PRKAG2: variants seen among roughly 807,000 people sequenced by gnomAD.
PRKAG2 encodes 5'-AMP-activated protein kinase subunit gamma-2.
In PRKAG2, 26 loss-of-function variants were observed where a neutral mutation model predicts 69.6. The observed-to-expected ratio is 0.37, with a 90% CI of 0.27 to 0.52. The LOEUF (loss-of-function observed/expected upper bound fraction) is 0.52. PRKAG2 is among the 20% of genes least tolerant of loss of function. The pLI is 0.90. For synonymous variants in PRKAG2, 293 were observed against 285.0 expected, an observed-to-expected ratio of 1.03 and a Z score of -0.28; for missense variants, 557 against 740.0, an observed-to-expected ratio of 0.75 and a Z score of 2.87.
At chr7:151,666,351 AG>A (rs1318582410) in intron 4 of PRKAG2, among the ~76,000 whole-genome samples, 1 of 152,204 alleles carries the variant, frequency 6.6e-6, no homozygotes, top group Non-Finnish European at 1.5e-5. Flanking sequence ...CAAGGATGAA[AG>A]CACAGTGATG....
chr7:151,641,587 C>T (rs1386378730), intron 4 of PRKAG2, among the ~76,000 whole-genome samples: 2 of 151,586 alleles, frequency 1.3e-5, no homozygotes, highest in African/African-American at 4.9e-5. Flanking sequence ...TGCTCTGTCA[C>T]CTAGGCTGGT....
chr7:151,728,505 C>A (rs1323198489), intron 3 of PRKAG2, among the ~76,000 whole-genome samples: 1 of 152,162 alleles, frequency 6.6e-6, no homozygotes, highest in Non-Finnish European at 1.5e-5. Flanking sequence ...GCCCCAACCC[C>A]AGGTCACCAA....
rs912602124 is a variant in PRKAG2, at chr7:151,685,784, AT to A, written c.467-10148del. Among the ~76,000 whole-genome samples the A allele has an allele frequency of 3.5e-5, 5 of 141,696 alleles. No individual in the cohort carries two copies. The Admixed American group carries it at 3.6e-4, about 10-fold the overall frequency. 93.0% of individuals were successfully genotyped at this position (141,696 alleles called of 152,430 possible). ...CCTGTCTCTAAAAAAAAAAAAAAAA[AT>A]TCTAATATGGTGAATATTGATTCAT... On this transcript the variant is annotated intron_variant, in intron 3 of 15. Transcript: ENST00000287878.
chr7:151,691,819 T>G (rs539567552), intron 3 of PRKAG2, among the ~76,000 whole-genome samples: 2 of 152,238 alleles, frequency 1.3e-5, no homozygotes, highest in Non-Finnish European at 2.9e-5. Flanking sequence ...TCTTAGAAGA[T>G]ATGAAACCTT....
rs1807410261 is a variant in PRKAG2, at chr7:151,570,975, TG to T, written c.1052-751del. Among the ~76,000 whole-genome samples the T allele has an allele frequency of 4.6e-5, 7 of 152,190 alleles. No homozygotes were observed. The South Asian group carries it at 1.5e-3, about 32-fold the overall frequency. On this transcript the variant is annotated intron_variant, in intron 9 of 15. Coordinates refer to ENST00000287878, the MANE Select transcript of PRKAG2 (RefSeq NM_016203.4). ...TAGTAGAGATGGGGTTTCATGATGT[TG>T]GCCAGGCTGGTCTCGCACTCCTGAC...
At chr7:151,851,627 T>C (rs1223523731) in intron 1 of PRKAG2, among the ~76,000 whole-genome samples, 3 of 152,170 alleles carry the variant, frequency 2.0e-5, no homozygotes, top group Non-Finnish European at 4.4e-5. Context: ...TTCATTATCA[T>C]TGTCAAACCA....
Position 151,794,231 on chromosome 7 carries a change from C to T in PRKAG2, c.115-7690G>A, listed in dbSNP as rs1222144885. On this transcript the variant is annotated intron_variant, in intron 1 of 15. Transcript: ENST00000287878. Reference sequence around the variant, plus strand: ...GTTCCTCGTCTGGCCCGAGGCCACCCGGGGCTTCCCTAGCTCCATATCAGC... The same window carrying T: ...GTTCCTCGTCTGGCCCGAGGCCACCTGGGGCTTCCCTAGCTCCATATCAGC... Among the ~76,000 whole-genome samples the T allele has an allele frequency of 4.6e-5, 7 of 152,334 alleles. No homozygotes were observed. The South Asian group carries it at 6.2e-4, about 14-fold the overall frequency.
At chr7:151,802,856 C>T (rs969540403) in intron 1 of PRKAG2, among the ~76,000 whole-genome samples, 2 of 152,192 alleles carry the variant, frequency 1.3e-5, no homozygotes, top group Non-Finnish European at 2.9e-5. Flanking sequence ...TCTTTAATCC[C>T]CCCGTGCCAG....
chr7:151,856,324 A>G (rs1373939786), intron 1 of PRKAG2, among the ~76,000 whole-genome samples: 1 of 152,224 alleles, frequency 6.6e-6, no homozygotes, highest in Non-Finnish European at 1.5e-5. Flanking sequence ...CGATCTTTCC[A>G]AGGCCCGCGC....
chr7:151,632,085 C>T lies in PRKAG2; in HGVS notation c.738G>A (p.Leu246=). 1 of 1,414,848 alleles carries T rather than the reference C, an allele frequency of 7.1e-7. No homozygotes were observed. Among genetic ancestry groups the T allele is most frequent in the Non-Finnish European group, 9.3e-7 (1 of 1,070,310 alleles). 87.6% of individuals were successfully genotyped at this position (1,414,848 alleles called of 1,614,324 possible). The change falls in exon 5 of 16, where the codon CTG becomes CTA. Residue 246 remains leucine (L), a synonymous_variant. Coordinates refer to ENST00000287878, the MANE Select transcript of PRKAG2 (RefSeq NM_016203.4). The surrounding 1 kb of genome is among the most constrained non-coding windows in gnomAD (Gnocchi z 4.2). ...CGCACTCACCTTCGTCCTCGAACTCCAGCTTCTCCAGCATGCCGGCTTCCG... is the reference window on the plus strand; with the variant it reads ...CGCACTCACCTTCGTCCTCGAACTCTAGCTTCTCCAGCATGCCGGCTTCCG... ...GPAEAGMLEK[L]EFEDEAVEDS... is the part of the protein sequence containing the mutation.
intron 3 of PRKAG2, among the ~76,000 whole-genome samples, chr7:151,762,659 T>C (rs1287725575): frequency 6.6e-6 from 1 of 152,162 alleles, no homozygotes; most frequent in Non-Finnish European, 1.5e-5. Flanking sequence ...CTGTGTGCCG[T>C]AGAACAAGCC....
chr7:151,597,065 C>T (rs1814725818), intron 5 of PRKAG2, among the ~76,000 whole-genome samples: 1 of 152,204 alleles, frequency 6.6e-6, no homozygotes, highest in Non-Finnish European at 1.5e-5. Context: ...CAGCATGAAG[C>T]TGGCATAAAA....
chr7:151,830,007 A>T (rs2078988069), intron 1 of PRKAG2, among the ~76,000 whole-genome samples: 1 of 151,828 alleles, frequency 6.6e-6, no homozygotes. Context: ...AGGGGCCTGG[A>T]CAGAACCACA....
At chr7:151,641,965 G>A (rs1011099722) in intron 4 of PRKAG2, among the ~76,000 whole-genome samples, 26 of 150,658 alleles carry the variant, frequency 1.7e-4, no homozygotes, top group Non-Finnish European at 3.5e-4. Flanking sequence ...AGGTTGAGGT[G>A]GGAGGATCAC....
chr7:151,795,692 G>A (rs2077467244), intron 1 of PRKAG2, among the ~76,000 whole-genome samples: 1 of 151,908 alleles, frequency 6.6e-6, no homozygotes, highest in African/African-American at 2.4e-5. Flanking sequence ...CCAATCCGCA[G>A]CAGGCCTGAA....
chr7:151,735,125 G>C (rs1004787404), intron 3 of PRKAG2, among the ~76,000 whole-genome samples: 8 of 152,068 alleles, frequency 5.3e-5, no homozygotes, highest in Non-Finnish European at 8.8e-5. Context: ...CAAAGTGCTG[G>C]GATTACAGGC....
At chr7:151,559,083 A>G (rs2150965655) in intron 15 of PRKAG2, 1 of 985,394 alleles carries the variant, frequency 1.0e-6, no homozygotes, top group South Asian at 4.7e-5. Flanking sequence ...TGCCCAGAGA[A>G]GAGGCCTTTT....
chr7:151,811,234 AC>A (rs1189152027), intron 1 of PRKAG2, among the ~76,000 whole-genome samples: 1 of 152,134 alleles, frequency 6.6e-6, no homozygotes, highest in African/African-American at 2.4e-5. Context: ...CTGACGGCTC[AC>A]CTGAAGAGAG....
intron 4 of PRKAG2, among the ~76,000 whole-genome samples, chr7:151,655,698 C>G (rs1829307870): frequency 6.6e-6 from 1 of 152,136 alleles, no homozygotes; most frequent in Non-Finnish European, 1.5e-5. Flanking sequence ...AACACAGGGC[C>G]CTGTGTGCTG....
Sources: gnomAD v4.1 joint callset for allele counts (sites outside exome capture counted in the v4.1 genomes callset) on GRCh38, gnomAD v4.1.1 for gene constraint, Gnocchi (gnomAD v3.1) non-coding constraint, MANE v1.5 for transcripts, NCBI Gene and HGNC (gene_info 2026-07-23, HGNC 2026-07-21) for gene names.